LRIG2: variants seen among roughly 807,000 people sequenced by gnomAD.
LRIG2 encodes the protein leucine-rich repeats and immunoglobulin-like domains protein 2.
A neutral mutation model predicts 107.8 loss-of-function variants in LRIG2; 93 were observed. The ratio of observed to expected loss-of-function variants is 0.86; its 90% CI spans 0.73 to 1.03. LRIG2 has a LOEUF of 1.03. Among genes scored for constraint, LRIG2 ranks in the 50% least tolerant of loss-of-function variants. LRIG2 has a pLI of 0.00. For missense variants in LRIG2, 1,226 were observed against 1,296.0 expected, an observed-to-expected ratio of 0.95 and a Z score of 0.83; for synonymous variants, 471 against 470.6, an observed-to-expected ratio of 1.00 and a Z score of -0.01.
rs1448106444 is a variant in LRIG2 at position 113,123,958 on chromosome 1, T to A, written c.3055T>A (p.Ser1019Thr). 2 of 1,613,834 alleles carry A rather than the reference T, an allele frequency of 1.2e-6. No individual in the cohort carries two copies. Among genetic ancestry groups the A allele is most frequent in the Non-Finnish European group, 1.7e-6 (2 of 1,180,016 alleles). Residue 1019 changes from serine to threonine, a missense_variant, in exon 18 of 18, where the codon TCA (serine) becomes ACA (threonine). Ser to Thr is a moderately conservative substitution (Grantham distance 58). This residue lies in a region of LRIG2 where 642 missense variants were observed against 712.2 expected (regional missense o/e 0.90). Coordinates refer to ENST00000361127, the MANE Select transcript of LRIG2 (RefSeq NM_014813.3). ...TTTTTCCCAGCAGCCAGTCCATGAGTCACCACAACTTCATCAAAATGAGGG... is the reference window on the plus strand; with the variant it reads ...TTTTTCCCAGCAGCCAGTCCATGAGACACCACAACTTCATCAAAATGAGGG... ...PPFSQQPVHESPQLHQNEGLA... is the reference protein window; with the variant it reads ...PPFSQQPVHETPQLHQNEGLA...
At chr1:113,110,171 A>AT (rs1654707995) in intron 12 of LRIG2, 71 bp from the exon 13 acceptor site, 3 of 1,107,172 alleles carry the variant, frequency 2.7e-6, no homozygotes, top group South Asian at 3.1e-5. Context: ...ATTTTATAGT[A>AT]TTTTTTAAAA....
At chr1:113,076,803 C>T (rs1653000211) in intron 1 of LRIG2, among the ~76,000 whole-genome samples, 1 of 152,112 alleles carries the variant, frequency 6.6e-6, no homozygotes, top group Admixed American at 6.6e-5. Flanking sequence ...TGTCTTTATG[C>T]TTCTCTGTAT....
chr1:113,098,819 G>A, intron 9 of LRIG2, 34 bp downstream of exon 9: 1 of 1,274,212 alleles, frequency 7.8e-7, no homozygotes, highest in Non-Finnish European at 1.1e-6. Flanking sequence ...TGTCTACATA[G>A]GCATGTTTTC....
At chr1:113,123,851 A>G (rs1655371776) in intron 17 of LRIG2, 24 bp from the exon 18 acceptor site, 1 of 1,597,690 alleles carries the variant, frequency 6.3e-7, no homozygotes, top group Non-Finnish European at 8.6e-7. Context: ...GTCACTACTG[A>G]TAATTCTTGT....
intron 16 of LRIG2, among the ~76,000 whole-genome samples, chr1:113,117,400 G>C (rs1019075744): frequency 2.6e-5 from 4 of 152,204 alleles, no homozygotes; most frequent in Non-Finnish European, 4.4e-5. Flanking sequence ...TTTCTTCAGA[G>C]ACTTTTTTAG....
At chr1:113,081,603 C>G (rs1475732413) in intron 1 of LRIG2, among the ~76,000 whole-genome samples, 1 of 151,998 alleles carries the variant, frequency 6.6e-6, no homozygotes, top group East Asian at 1.9e-4. Context: ...TCAGTGCAGC[C>G]TCTGTCTCCT....
At chr1:113,087,054 C>T (rs1653586414) in intron 1 of LRIG2, among the ~76,000 whole-genome samples, 1 of 152,132 alleles carries the variant, frequency 6.6e-6, no homozygotes, top group African/African-American at 2.4e-5. Context: ...GAGGTAGGAG[C>T]ATTGCTTGAG....
In LRIG2 at chr1:113,073,242, C is replaced by G. The variant is rs747424193; in HGVS notation, c.-165C>G. On this transcript the variant is annotated 5_prime_UTR_variant, in exon 1 of 18. Transcript: ENST00000361127. ...GGCCGTGTGTCCCAGGCCGTCGACCCCGCTGTCGCGCTGCGTCTGCTCCTT... is the reference window on the plus strand; with the variant it reads ...GGCCGTGTGTCCCAGGCCGTCGACCGCGCTGTCGCGCTGCGTCTGCTCCTT... 48 of 650,498 alleles carry G rather than the reference C, an allele frequency of 7.4e-5. No individual in the cohort carries two copies. Among genetic ancestry groups the G allele is most frequent in the Non-Finnish European group, 1.2e-4 (46 of 369,408 alleles). 40.3% of individuals were successfully genotyped at this position (650,498 alleles called of 1,614,324 possible).
intron 17 of LRIG2, among the ~76,000 whole-genome samples, chr1:113,122,076 T>C (rs376317266): frequency 0.018 from 214 of 11,664 alleles, no homozygotes; most frequent in African/African-American, 0.031. Context: ...TAGGCTCACC[T>C]TTTTTTTTTT....
In LRIG2 at chr1:113,100,400, T is replaced by C; in HGVS notation, c.1245-20T>C. The C allele has an allele frequency of 6.7e-7, 1 of 1,487,520 alleles. No individual in the cohort carries two copies. Among genetic ancestry groups the C allele is most frequent in the South Asian group, 1.2e-5 (1 of 86,650 alleles). 92.1% of individuals were successfully genotyped at this position (1,487,520 alleles called of 1,614,324 possible). ...ATATAGAAATGGTGACTGATAATGTTTCATTTCTCTTTATTTCAGAGATTT... is the reference window on the plus strand; with the variant it reads ...ATATAGAAATGGTGACTGATAATGTCTCATTTCTCTTTATTTCAGAGATTT... On this transcript the variant is annotated intron_variant, in intron 10 of 17. Transcript: ENST00000361127.
chr1:113,123,777 T>A, intron 17 of LRIG2, 98 bp from the exon 18 acceptor site: 1 of 819,586 alleles, frequency 1.2e-6, no homozygotes, highest in Non-Finnish European at 2.0e-6. Context: ...AGTGTCCCTA[T>A]TCAGGAATAT....
Position 113,093,563 on chromosome 1 carries a change from C to T in LRIG2, c.514C>T (p.Leu172=). Reference sequence around the variant, plus strand: ...ATTTCCTCGCATGCAGCTTAAATACCTGTAAGTAACACAGATTAAATTAGA... The same window carrying T: ...ATTTCCTCGCATGCAGCTTAAATACTTGTAAGTAACACAGATTAAATTAGA... ...SSFPRMQLKY[L]NLSNNRITTL... Residue 172 remains leucine, a splice_region_variant and synonymous_variant, in exon 4 of 18, where the codon CTG becomes TTG. Coordinates refer to ENST00000361127, the MANE Select transcript of LRIG2 (RefSeq NM_014813.3). The T allele has an allele frequency of 1.3e-6, 2 of 1,557,616 alleles. No individual in the cohort carries two copies. Among genetic ancestry groups the T allele is most frequent in the Non-Finnish European group, 1.7e-6 (2 of 1,151,344 alleles).
At chr1:113,090,131 AC>A (rs1272740674) in intron 1 of LRIG2, among the ~76,000 whole-genome samples, 4 of 152,180 alleles carry the variant, frequency 2.6e-5, no homozygotes, top group Non-Finnish European at 5.9e-5. Context: ...CATAATCACT[AC>A]AGGGAATAAA....
chr1:113,083,997 TATAATAATAATAATAATAATA>T (rs55895711), intron 1 of LRIG2, among the ~76,000 whole-genome samples: 4 of 125,706 alleles, frequency 3.2e-5, no homozygotes, highest in East Asian at 2.2e-4. Flanking sequence ...GAACTTAAAG[TATAATAATAATAATAATAATA>T]ATAATAATAA....
chr1:113,128,513 T>C lies in LRIG2; in HGVS notation c.*4412T>C, dbSNP rs1170868223. 6.6e-6 allele frequency: 1 copy of C among 152,194 alleles called. No homozygotes were observed. Among genetic ancestry groups the C allele is most frequent in the Non-Finnish European group, 1.5e-5 (1 of 68,036 alleles). 9.4% of individuals were successfully genotyped at this position (152,194 alleles called of 1,614,324 possible). ...CTTTCCAGCTGTAACATTCTATGAA[T>C]CTGTAATTCCCTCGAGGAGCTAAGG... On this transcript the variant is annotated 3_prime_UTR_variant, in exon 18 of 18. Coordinates refer to ENST00000361127, the MANE Select transcript of LRIG2 (RefSeq NM_014813.3).
chr1:113,117,157 G>A (rs1263879465), intron 16 of LRIG2, among the ~76,000 whole-genome samples: 1 of 152,168 alleles, frequency 6.6e-6, no homozygotes, highest in Non-Finnish European at 1.5e-5. Flanking sequence ...GCTCCCATAG[G>A]GAGTGACAGA....
chr1:113,088,472 CA>C, intron 1 of LRIG2, among the ~76,000 whole-genome samples: 1 of 152,138 alleles, frequency 6.6e-6, no homozygotes, highest in Middle Eastern at 3.4e-3. Flanking sequence ...TTATGTGGGT[CA>C]ATGATTATTG....
intron 17 of LRIG2, among the ~76,000 whole-genome samples, chr1:113,122,254 T>C (rs1655295704): frequency 6.6e-6 from 1 of 151,738 alleles, no homozygotes; most frequent in African/African-American, 2.4e-5. Flanking sequence ...GGCTAATTTT[T>C]TGTATTTTTT....
At position 113,114,821 on chromosome 1, in the gene LRIG2, C is replaced by T. The variant is rs763195181; in HGVS notation, c.2475C>T (p.Val825=). ...CCVVGTSLIW[V]IVIYHMRRKN... ...TTGTTGGCACTTCTTTGATCTGGGT[C>T]ATTGTTATTTACCACATGAGAAGGA... The change falls in exon 15 of 18, where the codon GTC becomes GTT. Residue 825 remains valine, a synonymous_variant. Transcript: ENST00000361127. 5.0e-6 allele frequency: 8 copies of T among 1,613,866 alleles called. No individual in the cohort carries two copies. The highest frequency in any genetic ancestry group is 6.8e-6 in the Non-Finnish European group (8 of 1,180,018).
Sources: gnomAD v4.1 joint callset for allele counts (sites outside exome capture counted in the v4.1 genomes callset) on GRCh38, gnomAD v4.1.1 for gene constraint, gnomAD v4.1.1 regional missense constraint, MANE v1.5 for transcripts, NCBI Gene and HGNC (gene_info 2026-07-23, HGNC 2026-07-21) for gene names.